IFNLR1: variants seen among roughly 807,000 people sequenced by gnomAD.
The protein encoded by IFNLR1 is interferon lambda receptor 1.
A neutral mutation model predicts 52.5 loss-of-function variants in IFNLR1; 28 were observed. That is an observed-to-expected ratio of 0.53 (90% CI 0.40 to 0.73). The LOEUF is 0.73. Among genes scored for constraint, IFNLR1 ranks in the 30% least tolerant of loss-of-function variants. The pLI, the probability that IFNLR1 is intolerant of heterozygous loss-of-function variation, is 0.00. For synonymous variants in IFNLR1, 276 were observed against 274.9 expected (o/e 1.00, Z -0.04); for missense variants, 623 against 659.1 (o/e 0.95, Z 0.60).
intron 1 of IFNLR1, among the ~76,000 whole-genome samples, chr1:24,181,457 C>T (rs1237356362): frequency 6.6e-6 from 1 of 152,184 alleles, no homozygotes; most frequent in Non-Finnish European, 1.5e-5. Flanking sequence ...TTAAAGGGAT[C>T]ATTCAAGCAT....
chr1:24,161,816 C>A (rs1644447165), intron 3 of IFNLR1, 132 bp from the exon 4 acceptor site: 2 of 839,606 alleles, frequency 2.4e-6, no homozygotes, highest in African/African-American at 3.5e-5. Context: ...CACCTAGCAC[C>A]TTATAATCTG....
intron 2 of IFNLR1, among the ~76,000 whole-genome samples, chr1:24,180,296 C>CA (rs5773074): frequency 0.27 from 34,936 of 127,958 alleles, 4,881 homozygotes; most frequent in East Asian, 0.54. Context: ...GACTCTGTCT[C>CA]AAAAAAAAAA....
chr1:24,184,973 T>A (rs908727087), intron 1 of IFNLR1, among the ~76,000 whole-genome samples: 30 of 152,048 alleles, frequency 2.0e-4, no homozygotes, highest in African/African-American at 7.2e-4. Flanking sequence ...GAGCCGAGAT[T>A]GCGCCACTGC....
At position 24,156,272 on chromosome 1, in the gene IFNLR1, T is replaced by A. The variant is rs1644377684; in HGVS notation, c.*858A>T. 6.6e-6 allele frequency: 1 copy of A among 152,222 alleles called. No individual in the cohort carries two copies. The highest frequency in any genetic ancestry group is 2.1e-4 in the South Asian group (1 of 4,812). 9.4% of individuals were successfully genotyped at this position (152,222 alleles called of 1,614,324 possible). On this transcript the variant is annotated 3_prime_UTR_variant, in exon 7 of 7. Transcript: ENST00000327535. The stretch of plus-strand genomic sequence containing the variant: ...CAAGCTGAATGTTAAGTGCTCTCAG[T>A]CACTCTGGGTTTAGGGGCCACAGGT...
intron 3 of IFNLR1, among the ~76,000 whole-genome samples, chr1:24,162,831 T>TTTTCTTTCTTTCTTTCTTTC (rs71029518): frequency 2.7e-4 from 9 of 33,848 alleles, no homozygotes; most frequent in African/African-American, 4.6e-4. Context: ...TCTTTCTTTC[T>TTTTCTTTCTTTCTTTCTTTC]TTTCTTTCTT....
At chr1:24,165,928 A>G (rs1644514719) in intron 3 of IFNLR1, among the ~76,000 whole-genome samples, 1 of 152,188 alleles carries the variant, frequency 6.6e-6, no homozygotes, top group Admixed American at 6.5e-5. Flanking sequence ...GCCACATATG[A>G]GAGCAGAAAA....
At chr1:24,165,671 C>G (rs1476896032) in intron 3 of IFNLR1, among the ~76,000 whole-genome samples, 1 of 152,202 alleles carries the variant, frequency 6.6e-6, no homozygotes, top group African/African-American at 2.4e-5. Context: ...TGATTCCCAG[C>G]CAGCAGGGAT....
intron 6 of IFNLR1, among the ~76,000 whole-genome samples, chr1:24,158,465 G>A (rs530009224): frequency 6.6e-6 from 1 of 152,242 alleles, no homozygotes; most frequent in Admixed American, 6.5e-5. Flanking sequence ...ACCCTGCCAC[G>A]ATGCAGGGAC....
At position 24,182,199 on chromosome 1, in the gene IFNLR1, CAAAAAAA is replaced by C. The variant is rs60217046; in HGVS notation, c.59-1352_59-1346del. Among the ~76,000 whole-genome samples the C allele has an allele frequency of 5.9e-4, 79 of 132,966 alleles. 1 individual carries two copies. Among genetic ancestry groups the C allele is most frequent in the Non-Finnish European group, 7.9e-4 (49 of 61,666 alleles). 87.2% of individuals were successfully genotyped at this position (132,966 alleles called of 152,430 possible). A position where few individuals can be genotyped will look rare whatever the true frequency, so the allele number is the denominator to read the frequency against. ...TGGGCAACAGGGCGAGACTCCATTC[CAAAAAAA>C]AAAAAAAAAAAGTGTTCCATGAAGG... On this transcript the variant is annotated intron_variant, in intron 1 of 6. Transcript: ENST00000327535.
rs1300228946 is a variant in IFNLR1 at position 24,162,778 on chromosome 1, T to C, written c.368-1094A>G. 7.2e-3 allele frequency among the ~76,000 whole-genome samples: 243 copies of C among 33,956 alleles called. 5 individuals carry two copies. The highest frequency in any genetic ancestry group is 0.016 in the East Asian group (21 of 1,310). The allele number at this position is 33,956 out of a possible 152,430, so 22.3% of individuals were successfully genotyped here. ...TTTCTTTCTTTCTTTCTTTCTTTCT[T>C]TTTCTTTCTTTTTCTTTCTTTCTTT... On this transcript the variant is annotated intron_variant, in intron 3 of 6. Transcript: ENST00000327535.
chr1:24,180,676 G>GGC, intron 2 of IFNLR1, 55 bp downstream of exon 2: 2 of 455,866 alleles, frequency 4.4e-6, no homozygotes, highest in East Asian at 6.4e-5. Context: ...AGCCCCTCCA[G>GGC]CCCCCACCCA....
In IFNLR1 at chr1:24,157,120, G is replaced by A. The variant is rs775411640; in HGVS notation, c.*10C>T. On this transcript the variant is annotated 3_prime_UTR_variant, in exon 7 of 7. Coordinates refer to ENST00000327535, the MANE Select transcript of IFNLR1 (RefSeq NM_170743.4). This position sits in a 1 kb window ranked among gnomAD's most constrained non-coding sequence, Gnocchi z 5.1. ...GCAGCATCAGATTCGGTGGGATGTC[G>A]GGGGACAGCTCACCTGGCCATGTAA... The A allele has an allele frequency of 1.7e-5, 27 of 1,596,356 alleles. No individual in the cohort carries two copies. In the South Asian group the frequency reaches 2.1e-4, roughly 12 times the overall value.
chr1:24,158,200 T>C (rs1001542980), intron 6 of IFNLR1, among the ~76,000 whole-genome samples: 6 of 152,194 alleles, frequency 3.9e-5, no homozygotes, highest in African/African-American at 1.4e-4. Flanking sequence ...ACAGTCATTG[T>C]TGAGGAATGG....
At chr1:24,186,667 C>A (rs1339159537) in intron 1 of IFNLR1, among the ~76,000 whole-genome samples, 1 of 120,030 alleles carries the variant, frequency 8.3e-6, no homozygotes, top group Non-Finnish European at 2.0e-5. Flanking sequence ...GGTGGGAAAA[C>A]AACAACAACA....
rs759017398 is a variant in IFNLR1, at chr1:24,157,506, G to A, written c.1187C>T (p.Ser396Phe). ...AGAGGACCCAGCCCTGTCCCAGGAG[G>A]AGTCCACAGTGCTGGCCCAGCTTCT... is the stretch of plus-strand genomic sequence containing the variant. ...SDRSWASTVD[S>F]SWDRAGSSGY... Residue 396 changes from serine to phenylalanine, a missense_variant, in exon 7 of 7, where the codon TCC (serine) becomes TTC (phenylalanine). Coordinates refer to ENST00000327535, the MANE Select transcript of IFNLR1 (RefSeq NM_170743.4). This position sits in a 1 kb window ranked among gnomAD's most constrained non-coding sequence, Gnocchi z 5.1. 5.0e-6 allele frequency: 8 copies of A among 1,612,470 alleles called. No homozygotes were observed.
chr1:24,177,649 C>T (rs1644646701), intron 2 of IFNLR1, among the ~76,000 whole-genome samples: 1 of 152,234 alleles, frequency 6.6e-6, no homozygotes, highest in African/African-American at 2.4e-5. Flanking sequence ...TGTCAGTCTC[C>T]TCTGGCAACA....
intron 3 of IFNLR1, among the ~76,000 whole-genome samples, chr1:24,163,442 T>G (rs918569452): frequency 1.3e-5 from 2 of 152,198 alleles, no homozygotes; most frequent in Non-Finnish European, 2.9e-5. Flanking sequence ...ATAACGTTAA[T>G]TAAGATTCCT....
chr1:24,185,773 A>C (rs948562893), intron 1 of IFNLR1, among the ~76,000 whole-genome samples: 9 of 152,230 alleles, frequency 5.9e-5, no homozygotes, highest in African/African-American at 2.2e-4. Context: ...TGAGAAAAAC[A>C]GCAGTTAGAG....
chr1:24,162,717 TTCTTTC>T, intron 3 of IFNLR1, among the ~76,000 whole-genome samples: 1 of 33,428 alleles, frequency 3.0e-5, no homozygotes, highest in Non-Finnish European at 6.0e-5. Flanking sequence ...TTTTCTTTCT[TTCTTTC>T]TTTTCTTTCT....
Sources: gnomAD v4.1 joint callset for allele counts (sites outside exome capture counted in the v4.1 genomes callset) on GRCh38, gnomAD v4.1.1 for gene constraint, Gnocchi (gnomAD v3.1) non-coding constraint, MANE v1.5 for transcripts, NCBI Gene and HGNC (gene_info 2026-07-23, HGNC 2026-07-21) for gene names.